The following SLC52A2 variants were observed in gnomAD, a reference collection of about 807,000 sequenced individuals.
SLC52A2 encodes the protein solute carrier family 52, riboflavin transporter, member 2.
SLC52A2 carries 16 observed loss-of-function variants against 24.8 expected under a neutral mutation model. The observed-to-expected ratio is 0.64, with a 90% CI of 0.44 to 0.98. The LOEUF is 0.98. Ranked by LOEUF, SLC52A2 falls within the 50% of genes least tolerant of loss-of-function variation. The pLI is 0.00. For missense variants in SLC52A2, 612 were observed against 575.9 expected (o/e 1.06, Z -0.64); for synonymous variants, 335 against 276.3 (o/e 1.21, Z -2.11).
chr8:144,359,266 G>T lies in SLC52A2; in HGVS notation c.-28G>T. 6.3e-7 allele frequency: 1 copy of T among 1,597,620 alleles called. No homozygotes were observed. The highest frequency in any genetic ancestry group is 8.5e-7 in the Non-Finnish European group (1 of 1,171,940). ...AAGAACTGGCTGTGACCTTTGCCCT[G>T]ACCTGGAAGGGCCCAGCCTTGGGCT... On this transcript the variant is annotated 5_prime_UTR_variant, in exon 2 of 5. Transcript: ENST00000643944.
At position 144,360,013 on chromosome 8, in the gene SLC52A2, C is replaced by G; in HGVS notation, c.521C>G (p.Pro174Arg). ...GGTGTGGGCCGCCTCGAGTGCCCGC[C>G]AGCCCCCATCAACGGCACCCCTGGC... The part of the protein sequence containing the change: ...VQGVGRLECP[P>R]APINGTPGPP... Residue 174 changes from proline to arginine, a missense_variant, in exon 3 of 5, where the codon CCA becomes CGA. Physicochemically the swap from Pro to Arg is moderately radical, Grantham distance 103 (BLOSUM62 -2). Coordinates refer to ENST00000643944, the MANE Select transcript of SLC52A2 (RefSeq NM_001363118.2). The G allele has an allele frequency of 9.3e-6, 15 of 1,612,906 alleles. No individual in the cohort carries two copies. Among genetic ancestry groups the G allele is most frequent in the Non-Finnish European group, 1.3e-5 (15 of 1,179,994 alleles).
At position 144,359,880 on chromosome 8, in the gene SLC52A2, G is replaced by A; in HGVS notation, c.388G>A (p.Val130Ile). 3 of 1,613,776 alleles carry A rather than the reference G, an allele frequency of 1.9e-6. No homozygotes were observed. The highest frequency in any genetic ancestry group is 2.5e-6 in the Non-Finnish European group (3 of 1,180,026). The part of the protein sequence containing the change: ...VLALACCASN[V>I]TFLPFLSHLP... ...GGCACTGGCATGCTGTGCCTCGAAT[G>A]TCACTTTCCTGCCCTTCTTGAGCCA... Residue 130 changes from valine to isoleucine, a missense_variant, in exon 3 of 5, where the codon GTC (valine) becomes ATC (isoleucine). Transcript: ENST00000643944.
Position 144,361,088 on chromosome 8 carries a change from G to A in SLC52A2, c.*73G>A, listed in dbSNP as rs1292612291. 5.4e-6 allele frequency: 8 copies of A among 1,489,252 alleles called. No homozygotes were observed. The highest frequency in any genetic ancestry group is 1.4e-5 in the African/African-American group (1 of 72,496). The allele number at this position is 1,489,252 out of a possible 1,614,324, so 92.3% of individuals were successfully genotyped here. ...ATGCTGCCACCATGCCTGAGTGCCT[G>A]CAGCCCAGGAGGCCCGCACACCGGT... On this transcript the variant is annotated 3_prime_UTR_variant, in exon 5 of 5. Coordinates refer to ENST00000643944, the MANE Select transcript of SLC52A2 (RefSeq NM_001363118.2).
rs1554854014 is a variant in SLC52A2, at chr8:144,359,998, G to A, written c.506G>A (p.Arg169His). 6.2e-6 allele frequency: 10 copies of A among 1,612,850 alleles called. No homozygotes were observed. Among genetic ancestry groups the A allele is most frequent in the African/African-American group, 1.3e-5 (1 of 75,030 alleles). ...CTGGCCCTAGTGCAGGGTGTGGGCC[G>A]CCTCGAGTGCCCGCCAGCCCCCATC... is the stretch of plus-strand genomic sequence containing the variant. ...CVLALVQGVG[R>H]LECPPAPING... Residue 169 changes from arginine to histidine, a missense_variant, in exon 3 of 5, where the codon CGC becomes CAC. Transcript: ENST00000643944.
In SLC52A2 at chr8:144,361,126, A is replaced by G; in HGVS notation, c.*111A>G. The G allele has an allele frequency of 9.1e-7, 1 of 1,103,998 alleles. No homozygotes were observed. Among genetic ancestry groups the G allele is most frequent in the Non-Finnish European group, 1.3e-6 (1 of 752,964 alleles). The allele number at this position is 1,103,998 out of a possible 1,614,324, so 68.4% of individuals were successfully genotyped here. A position where few individuals can be genotyped will look rare whatever the true frequency, so the allele number is the denominator to read the frequency against. ...CCCGCACACCGGTACACTCGTGGAC[A>G]CCTACACACTCCATAGGAGATCCTG... On this transcript the variant is annotated 3_prime_UTR_variant, in exon 5 of 5. Coordinates refer to ENST00000643944, the MANE Select transcript of SLC52A2 (RefSeq NM_001363118.2).
Position 144,360,329 on chromosome 8 carries a change from G to A in SLC52A2, c.837G>A (p.Leu279=). The change falls in exon 3 of 5, where the codon CTG becomes CTA. Residue 279 remains leucine (L), a synonymous_variant. Transcript: ENST00000643944. ...YQLLSARSAC[L]LGLLAATNAL... ...TTCTATCAGCCCGCAGTGCCTGCCTGCTGGGCCTGTTGGCCGCCACCAACG... is the reference window on the plus strand; with the variant it reads ...TTCTATCAGCCCGCAGTGCCTGCCTACTGGGCCTGTTGGCCGCCACCAACG... 6.2e-7 allele frequency: 1 copy of A among 1,609,436 alleles called. No homozygotes were observed. The highest frequency in any genetic ancestry group is 8.5e-7 in the Non-Finnish European group (1 of 1,179,992).
At chr8:144,359,530 G>A (rs1484441353) in intron 2 of SLC52A2, 93 bp from the exon 3 acceptor site, 1 of 1,610,032 alleles carries the variant, frequency 6.2e-7, no homozygotes, top group East Asian at 2.2e-5. Flanking sequence ...GGGTGAGTGG[G>A]AGGAGGTGCA....
chr8:144,360,173 G>A lies in SLC52A2; in HGVS notation c.681G>A (p.Gly227=), dbSNP rs782456223. 3.1e-6 allele frequency: 5 copies of A among 1,612,910 alleles called. No homozygotes were observed. Among genetic ancestry groups the A allele is most frequent in the African/African-American group, 1.3e-5 (1 of 75,060 alleles). Reference sequence around the variant, plus strand: ...CGCCACCACCATCTGTACCCACAGGGGAGTTAGGATCAGGCCTCCAGGTGG... The same window carrying A: ...CGCCACCACCATCTGTACCCACAGGAGAGTTAGGATCAGGCCTCCAGGTGG... ...LLPPPPSVPT[G]ELGSGLQVGA... is the part of the protein sequence containing the mutation. The change falls in exon 3 of 5, where the codon GGG becomes GGA. Residue 227 remains glycine, a synonymous_variant. Coordinates refer to ENST00000643944, the MANE Select transcript of SLC52A2 (RefSeq NM_001363118.2).
At chr8:144,358,556 G>A (rs1339033574), upstream of SLC52A2, 71 of 1,208,414 alleles carry the variant, frequency 5.9e-5, no homozygotes, top group Non-Finnish European at 7.0e-5. Context: ...ACCAGCTTCC[G>A]GGGCGGGACT....
rs371806077 is a variant in SLC52A2, at chr8:144,360,881, C to T, written c.1204C>T (p.Arg402Trp). Residue 402 changes from arginine (R) to tryptophan (W), a missense_variant, in exon 5 of 5, where the codon CGG becomes TGG. By Grantham distance (101) the Arg-to-Trp change is moderately radical. Coordinates refer to ENST00000643944, the MANE Select transcript of SLC52A2 (RefSeq NM_001363118.2). ...AASSLLHGGG[R>W]PALLAAGVAI... Reference sequence around the variant, plus strand: ...CAGCTCCCTGCTGCATGGCGGGGGCCGGCCGGCATTGCTGGCAGCCGGCGT... The same window carrying T: ...CAGCTCCCTGCTGCATGGCGGGGGCTGGCCGGCATTGCTGGCAGCCGGCGT... 94 of 1,612,832 alleles carry T rather than the reference C, an allele frequency of 5.8e-5. No homozygotes were observed. The highest frequency in any genetic ancestry group is 7.4e-5 in the Non-Finnish European group (87 of 1,179,912).
chr8:144,361,040 C>G lies in SLC52A2; in HGVS notation c.*25C>G. On this transcript the variant is annotated 3_prime_UTR_variant, in exon 5 of 5. Transcript: ENST00000643944. ...AGCCTGGGCAGGTGGGGACCCCGCT[C>G]CCCAACACCTGTCTTTCCCTCAATG... is the stretch of plus-strand genomic sequence containing the variant. 1 of 1,601,658 alleles carries G rather than the reference C, an allele frequency of 6.2e-7. No individual in the cohort carries two copies. Among genetic ancestry groups the G allele is most frequent in the Non-Finnish European group, 8.5e-7 (1 of 1,171,098 alleles).
At position 144,359,776 on chromosome 8, in the gene SLC52A2, T is replaced by A; in HGVS notation, c.284T>A (p.Leu95Gln). The A allele has an allele frequency of 6.2e-7, 1 of 1,613,650 alleles. No homozygotes were observed. Among genetic ancestry groups the A allele is most frequent in the Non-Finnish European group, 8.5e-7 (1 of 1,180,014 alleles). Residue 95 changes from leucine (L) to glutamine (Q), a missense_variant, in exon 3 of 5, where the codon CTG becomes CAG. Coordinates refer to ENST00000643944, the MANE Select transcript of SLC52A2 (RefSeq NM_001363118.2). ...CTGGGCATGGTGGGCACAGCCCTGC[T>A]GGCCTCTCTGTGGCACCATGTGGCC... ...QVLGMVGTAL[L>Q]ASLWHHVAPV... is the part of the protein sequence containing the mutation.
In SLC52A2 at chr8:144,359,033, T is replaced by C; in HGVS notation, c.-143T>C. On this transcript the variant is annotated 5_prime_UTR_variant, in exon 1 of 5. Transcript: ENST00000643944. The stretch of plus-strand genomic sequence containing the variant: ...GGGGCCGCAGCGACTCGGGCCGGCT[T>C]CCTGCTTCCCTGCCTGCCGGCGGTC... 2 of 433,610 alleles carry C rather than the reference T, an allele frequency of 4.6e-6. 1 individual carries two copies. Among genetic ancestry groups the C allele is most frequent in the South Asian group, 8.6e-5 (2 of 23,156 alleles). The allele number at this position is 433,610 out of a possible 1,614,324, so 26.9% of individuals were successfully genotyped here.
In SLC52A2 at chr8:144,361,100, G is replaced by C; in HGVS notation, c.*85G>C. On this transcript the variant is annotated 3_prime_UTR_variant, in exon 5 of 5. Transcript: ENST00000643944. Reference sequence around the variant, plus strand: ...TGCCTGAGTGCCTGCAGCCCAGGAGGCCCGCACACCGGTACACTCGTGGAC... The same window carrying C: ...TGCCTGAGTGCCTGCAGCCCAGGAGCCCCGCACACCGGTACACTCGTGGAC... 7.3e-7 allele frequency: 1 copy of C among 1,367,766 alleles called. No individual in the cohort carries two copies. Among genetic ancestry groups the C allele is most frequent in the Non-Finnish European group, 1.0e-6 (1 of 975,590 alleles). The allele number at this position is 1,367,766 out of a possible 1,614,324, so 84.7% of individuals were successfully genotyped here. A position where few individuals can be genotyped will look rare whatever the true frequency, so the allele number is the denominator to read the frequency against.
Position 144,359,677 on chromosome 8 carries a change from T to C in SLC52A2, c.185T>C (p.Leu62Pro). 6.2e-7 allele frequency: 1 copy of C among 1,613,806 alleles called. No individual in the cohort carries two copies. The highest frequency in any genetic ancestry group is 8.5e-7 in the Non-Finnish European group (1 of 1,180,000). Reference sequence around the variant, plus strand: ...CTTGTGGCTCTGGGGAACCTGGGTCTGCTGGTGGTGACCCTCTGGAGGAGG... The same window carrying C: ...CTTGTGGCTCTGGGGAACCTGGGTCCGCTGGTGGTGACCCTCTGGAGGAGG... ...SVLVALGNLG[L>P]LVVTLWRRLA... The change falls in exon 3 of 5, where the codon CTG (leucine) becomes CCG (proline). Residue 62 changes from leucine (L) to proline (P), a missense_variant. By Grantham distance (98) the Leu-to-Pro change is moderately conservative (BLOSUM62 -3). Coordinates refer to ENST00000643944, the MANE Select transcript of SLC52A2 (RefSeq NM_001363118.2).
Position 144,360,487 on chromosome 8 carries a change from T to C in SLC52A2, c.995T>C (p.Leu332Pro). ...GCCTGCTTCCTGGCCATGGGTGTGCTGTGCAGGTACACAAGGACCCCCAGC... is the reference window on the plus strand; with the variant it reads ...GCCTGCTTCCTGGCCATGGGTGTGCCGTGCAGGTACACAAGGACCCCCAGC... The part of the protein sequence containing the change: ...PLACFLAMGV[L>P]CRSLAGLGGL... The change falls in exon 3 of 5, where the codon CTG becomes CCG. Residue 332 changes from leucine to proline, a missense_variant. Leu to Pro is a moderately conservative substitution (Grantham distance 98, BLOSUM62 -3). Transcript: ENST00000643944. 6.3e-7 allele frequency: 1 copy of C among 1,598,472 alleles called. No homozygotes were observed. Among genetic ancestry groups the C allele is most frequent in the South Asian group, 1.1e-5 (1 of 90,860 alleles).
chr8:144,359,290 C>G lies in SLC52A2; in HGVS notation c.-4C>G. ...TGACCTGGAAGGGCCCAGCCTTGGGCTGAATGGCAGCACCCACGCCCGCCC... is the reference window on the plus strand; with the variant it reads ...TGACCTGGAAGGGCCCAGCCTTGGGGTGAATGGCAGCACCCACGCCCGCCC... On this transcript the variant is annotated 5_prime_UTR_variant, in exon 2 of 5. Coordinates refer to ENST00000643944, the MANE Select transcript of SLC52A2 (RefSeq NM_001363118.2). 1 of 1,610,256 alleles carries G rather than the reference C, an allele frequency of 6.2e-7. No homozygotes were observed. The highest frequency in any genetic ancestry group is 8.5e-7 in the Non-Finnish European group (1 of 1,178,030).
Position 144,360,371 on chromosome 8 carries a change from G to A in SLC52A2, c.879G>A (p.Val293=). The A allele has an allele frequency of 6.2e-7, 1 of 1,608,212 alleles. No homozygotes were observed. Among genetic ancestry groups the A allele is most frequent in the Non-Finnish European group, 8.5e-7 (1 of 1,179,994 alleles). The change falls in exon 3 of 5, where the codon GTG becomes GTA. Residue 293 remains valine (V), a synonymous_variant. Transcript: ENST00000643944. ...LAATNALTNG[V]LPAVQSFSCL... ...CCACCAACGCGCTGACCAATGGCGT[G>A]CTGCCTGCCGTGCAGAGCTTTTCCT...
chr8:144,360,203 C>G lies in SLC52A2; in HGVS notation c.711C>G (p.Ala237=), dbSNP rs1024265039. 3 of 1,612,696 alleles carry G rather than the reference C, an allele frequency of 1.9e-6. No homozygotes were observed. Among genetic ancestry groups the G allele is most frequent in the Non-Finnish European group, 2.5e-6 (3 of 1,180,026 alleles). The change falls in exon 3 of 5, where the codon GCC becomes GCG. Residue 237 remains alanine (A), a synonymous_variant. Coordinates refer to ENST00000643944, the MANE Select transcript of SLC52A2 (RefSeq NM_001363118.2). ...TAGGATCAGGCCTCCAGGTGGGAGCCCCAGGAGCAGAGGAAGAGGTGGAAG... is the reference window on the plus strand; with the variant it reads ...TAGGATCAGGCCTCCAGGTGGGAGCGCCAGGAGCAGAGGAAGAGGTGGAAG... ...GELGSGLQVG[A]PGAEEEVEES... is the part of the protein sequence containing the mutation.
Sources: gnomAD v4.1 joint callset for allele counts on GRCh38, gnomAD v4.1.1 for gene constraint, MANE v1.5 for transcripts, NCBI Gene and HGNC (gene_info 2026-07-23, HGNC 2026-07-21) for gene names.